Variants in BTD observed in about 807,000 individuals in gnomAD.
BTD encodes biotinidase.
BTD carries 13 observed loss-of-function variants against 17.7 expected under a neutral mutation model. That is an observed-to-expected ratio of 0.74 (90% CI 0.48 to 1.17). The LOEUF (loss-of-function observed/expected upper bound fraction) is 1.17. Among genes scored for constraint, BTD ranks in the 50% most tolerant of loss-of-function variants. BTD has a pLI of 0.00. For synonymous variants in BTD, 240 were observed against 245.2 expected, an observed-to-expected ratio of 0.98 and a Z score of 0.20; for missense variants, 674 against 650.4, an observed-to-expected ratio of 1.04 and a Z score of -0.39.
intron 3 of BTD, among the ~76,000 whole-genome samples, chr3:15,688,959 T>G (rs1232578127): frequency 6.6e-6 from 1 of 152,220 alleles, no homozygotes; most frequent in African/African-American, 2.4e-5. Flanking sequence ...CCAAAATAAC[T>G]TCTACCAGAA....
chr3:15,668,416 T>C (rs1303673479), intron 3 of BTD: 1 of 152,398 alleles, frequency 6.6e-6, no homozygotes, highest in Non-Finnish European at 1.5e-5. Flanking sequence ...AAATGCATAT[T>C]CACCTTCCTA....
chr3:15,713,447 C>T (rs1456329379), downstream of BTD: 49 of 1,053,478 alleles, frequency 4.7e-5, no homozygotes, highest in East Asian at 1.3e-4. Flanking sequence ...CACATTTCCA[C>T]GTGAAATGTC....
chr3:15,630,886 T>C (rs906736328), intron 1 of BTD, among the ~76,000 whole-genome samples: 4 of 152,116 alleles, frequency 2.6e-5, no homozygotes, highest in Admixed American at 6.5e-5. Flanking sequence ...GCGAGAACCA[T>C]TGTGGAGCTT....
intron 3 of BTD, chr3:15,685,140 T>TA (rs777511707): frequency 6.7e-4 from 985 of 1,464,846 alleles, no homozygotes; most frequent in Non-Finnish European, 8.8e-4. Context: ...TTGCTAATTT[T>TA]AAACTTAAAA....
Position 15,614,121 on chromosome 3 carries a change from C to CTTTTTTTTTTTTTT in BTD, c.-17+12230_-17+12231insTTTTTTTTTTTTTT, listed in dbSNP as rs1389454960. ...TTATGTATTTTCTCCCTCTTTCTTT[C>CTTTTTTTTTTTTTT]TTTCTTTTTTTTTTTTTTTTAAGTC... On this transcript the variant is annotated intron_variant, in intron 1 of 3. Coordinates refer to ENST00000643237, the MANE Select transcript of BTD (RefSeq NM_001370658.1). Among the ~76,000 whole-genome samples the CTTTTTTTTTTTTTT allele has an allele frequency of 2.3e-5, 3 of 131,726 alleles. 1 individual carries two copies. Among genetic ancestry groups the CTTTTTTTTTTTTTT allele is most frequent in the Non-Finnish European group, 4.6e-5 (3 of 64,652 alleles). 86.4% of individuals were successfully genotyped at this position (131,726 alleles called of 152,430 possible).
rs962676342 is a variant in BTD, at chr3:15,649,958, A to G, written c.*4470A>G. ...AAGGTTTGCTACAGCTATTTTACAGATGGGGAAAACTGACAGAGAGATATT... is the reference window on the plus strand; with the variant it reads ...AAGGTTTGCTACAGCTATTTTACAGGTGGGGAAAACTGACAGAGAGATATT... On this transcript the variant is annotated 3_prime_UTR_variant, in exon 4 of 4. Coordinates refer to ENST00000643237, the MANE Select transcript of BTD (RefSeq NM_001370658.1). Among the ~76,000 whole-genome samples, 1 of 152,198 alleles carries G rather than the reference A, an allele frequency of 6.6e-6. No individual in the cohort carries two copies.
chr3:15,712,331 AT>A, exon 4 of BTD: 1 of 835,378 alleles, frequency 1.2e-6, no homozygotes, highest in Non-Finnish European at 1.9e-6. Context: ...AAGAGCCAAA[AT>A]GTCTAACACT....
intron 3 of BTD, among the ~76,000 whole-genome samples, chr3:15,692,546 C>A (rs571657441): frequency 1.3e-5 from 2 of 152,164 alleles, no homozygotes; most frequent in Non-Finnish European, 2.9e-5. Context: ...CCCATGATAT[C>A]CTTGTATGGG....
intron 3 of BTD, chr3:15,678,242 T>C (rs1386451760): frequency 1.9e-6 from 3 of 1,612,130 alleles, no homozygotes; most frequent in Middle Eastern, 1.6e-4. Flanking sequence ...TCTGCAGCCA[T>C]CATAAGAGGT....
chr3:15,689,717 G>A, intron 3 of BTD: 1 of 240,580 alleles, frequency 4.2e-6, no homozygotes, highest in African/African-American at 2.3e-5. Context: ...GGTAGTCTAG[G>A]ACCTACATGT....
At chr3:15,611,832 A>C (rs373805389) in intron 1 of BTD, among the ~76,000 whole-genome samples, 1 of 151,506 alleles carries the variant, frequency 6.6e-6, no homozygotes, top group African/African-American at 2.4e-5. Flanking sequence ...CTACTCGTCT[A>C]AATTTTCTAG....
At chr3:15,670,239 T>C (rs757183770) in intron 3 of BTD, 6 of 1,603,122 alleles carry the variant, frequency 3.7e-6, no homozygotes, top group Non-Finnish European at 5.1e-6. Context: ...GTTTGAAGCT[T>C]TACTGTGAGA....
At chr3:15,633,250 C>G (rs1183079310) in intron 1 of BTD, among the ~76,000 whole-genome samples, 1 of 152,146 alleles carries the variant, frequency 6.6e-6, no homozygotes, top group Non-Finnish European at 1.5e-5. Context: ...TGGTGGAATC[C>G]ATGGATGCAG....
intron 3 of BTD, chr3:15,667,617 T>C (rs951963319): frequency 6.6e-6 from 1 of 152,220 alleles, no homozygotes; most frequent in Non-Finnish European, 1.5e-5. Flanking sequence ...AATGTACTTA[T>C]TCCAACAATA....
rs1222067781 is a variant in BTD, at chr3:15,653,647, G to A, written c.*8159G>A. ...GTAATGGTTGAAATTCCTATTCAGT[G>A]ATCTGGAAGAACTCTAATGTTCTAA... On this transcript the variant is annotated 3_prime_UTR_variant, in exon 4 of 4. Transcript: ENST00000643237. Among the ~76,000 whole-genome samples, 2 of 152,230 alleles carry A rather than the reference G, an allele frequency of 1.3e-5. No homozygotes were observed. The highest frequency in any genetic ancestry group is 1.5e-5 in the Non-Finnish European group (1 of 68,042).
chr3:15,721,040 A>C lies in BTD; in HGVS notation c.1016-730A>C, dbSNP rs1470379146. The C allele has an allele frequency of 2.5e-6, 4 of 1,613,902 alleles. No homozygotes were observed. In the East Asian group the frequency reaches 6.7e-5, roughly 27 times the overall value. On this transcript the variant is annotated intron_variant, in intron 4 of 4. Coordinates refer to the BTD transcript ENST00000672427. The stretch of plus-strand genomic sequence containing the variant: ...TTCTTTTGATTCACAATAGCACCAC[A>C]GTCTATAAGTTCATTCACTACAACA...
chr3:15,655,963 T>C (rs1015043393), downstream of BTD, among the ~76,000 whole-genome samples: 2 of 152,030 alleles, frequency 1.3e-5, no homozygotes, highest in African/African-American at 4.8e-5. Context: ...CCACCATGTC[T>C]GGCTAATTTT....
chr3:15,677,671 A>G, intron 3 of BTD: 1 of 664,804 alleles, frequency 1.5e-6, no homozygotes, highest in South Asian at 2.2e-5. Flanking sequence ...CCCTCTCACA[A>G]AAACTTAAGT....
At chr3:15,704,550 T>C (rs1209433875) in intron 3 of BTD, among the ~76,000 whole-genome samples, 2 of 152,144 alleles carry the variant, frequency 1.3e-5, no homozygotes, top group Non-Finnish European at 2.9e-5. Context: ...TACTGAATAA[T>C]AGCAATTGGA....
Sources: allele counts gnomAD v4.1 joint callset (sites outside exome capture counted in the v4.1 genomes callset), GRCh38; gene constraint gnomAD v4.1.1; transcripts MANE v1.5; gene names NCBI Gene and HGNC (gene_info 2026-07-23, HGNC 2026-07-21).